CTPS2: variants seen among roughly 807,000 people sequenced by gnomAD.
The protein encoded by CTPS2 is CTP synthase II.
Under a neutral mutation model 46.8 loss-of-function variants are expected in CTPS2, and 19 were observed. The observed-to-expected ratio is 0.41, with a 90% CI of 0.28 to 0.60. The LOEUF is 0.60. Among genes scored for constraint, CTPS2 ranks in the 20% least tolerant of loss-of-function variants. The pLI, the probability that CTPS2 is intolerant of heterozygous loss-of-function variation, is 0.35. For synonymous variants in CTPS2, 151 were observed against 165.2 expected, an observed-to-expected ratio of 0.91 and a Z score of 0.66; for missense variants, 286 against 447.6, an observed-to-expected ratio of 0.64 and a Z score of 3.26.
chrX:16,601,300 C>T (rs1035492236), intron 17 of CTPS2, among the ~76,000 whole-genome samples: 2 of 111,108 alleles, frequency 1.8e-5, no homozygotes, highest in Non-Finnish European at 3.8e-5. Flanking sequence ...AATGCACCCT[C>T]TGTGAACAAT....
intron 13 of CTPS2, among the ~76,000 whole-genome samples, chrX:16,649,972 T>C (rs535445590): frequency 2.7e-5 from 3 of 111,911 alleles, no homozygotes; most frequent in East Asian, 2.8e-4. Context: ...CTCTGAACCA[T>C]GAAGCAACTG....
chrX:16,613,107 A>G (rs1165956499), intron 16 of CTPS2, among the ~76,000 whole-genome samples: 1 of 112,162 alleles, frequency 8.9e-6, no homozygotes, highest in Non-Finnish European at 1.9e-5. Flanking sequence ...GAGAAAAGGC[A>G]TTTGAAATGG....
intron 14 of CTPS2, among the ~76,000 whole-genome samples, chrX:16,632,665 CTGGCCGCCT>C (rs764916784): frequency 8.9e-6 from 1 of 111,788 alleles, no homozygotes; most frequent in East Asian, 2.8e-4. Context: ...CTCAAGTGAT[CTGGCCGCCT>C]TGGCCTCCCA....
chrX:16,674,357 T>C (rs1424963208), intron 10 of CTPS2, among the ~76,000 whole-genome samples: 1 of 107,856 alleles, frequency 9.3e-6, no homozygotes, highest in Non-Finnish European at 1.9e-5. Context: ...GAGACGGGGT[T>C]TCACCATGTT....
chrX:16,630,789 G>A (rs112117830), intron 14 of CTPS2, among the ~76,000 whole-genome samples: 1,454 of 112,086 alleles, frequency 0.013, 19 homozygotes, highest in African/African-American at 0.044. Context: ...TAGGTTGATG[G>A]CTGGACAAAA....
chrX:16,710,310 G>A (rs1047796191), intron 1 of CTPS2, among the ~76,000 whole-genome samples: 1 of 112,040 alleles, frequency 8.9e-6, no homozygotes, highest in Non-Finnish European at 1.9e-5. Context: ...CTGCTTCATG[G>A]ACTCCAAGCA....
intron 6 of CTPS2, 74 bp from the exon 7 acceptor site, chrX:16,691,694 G>C (rs1225172031): frequency 3.4e-6 from 3 of 893,896 alleles, no homozygotes; most frequent in Non-Finnish European, 4.9e-6. Context: ...CTTTTTACAA[G>C]AAACTTGGCC....
At position 16,609,651 on chromosome X, in the gene CTPS2, A is replaced by G; in HGVS notation, c.1581T>C (p.Pro527=). 1 of 1,211,242 alleles carries G rather than the reference A, an allele frequency of 8.3e-7. No individual in the cohort carries two copies. Among genetic ancestry groups the G allele is most frequent in the Non-Finnish European group, 1.1e-6 (1 of 895,181 alleles). ...GCTTCATCGGCCTAGAAGAAAACTC[A>G]GGATGGAACTGGACACCAACAAAAT... ...HPYFVGVQFH[P]EFSSRPMKPS... The change falls in exon 17 of 19, where the codon CCT becomes CCC. Residue 527 remains proline, a synonymous_variant. Coordinates refer to ENST00000359276, the MANE Select transcript of CTPS2 (RefSeq NM_175859.3).
intron 13 of CTPS2, among the ~76,000 whole-genome samples, chrX:16,662,191 T>C: frequency 9.0e-6 from 1 of 110,753 alleles, no homozygotes; most frequent in Non-Finnish European, 1.9e-5. Flanking sequence ...ATGTACCATC[T>C]AGAAGGCAGC....
rs541219364 is a variant in CTPS2, at chrX:16,696,782, T to C, written c.438+1454A>G. On this transcript the variant is annotated intron_variant, in intron 4 of 18. Coordinates refer to ENST00000359276, the MANE Select transcript of CTPS2 (RefSeq NM_175859.3). ...AACAAAATGGATCTTCTACATATCA[T>C]GATATCTGCTAACACTTACATTGAT... Among the ~76,000 whole-genome samples the C allele has an allele frequency of 1.8e-4, 20 of 111,709 alleles. No individual in the cohort carries two copies. The South Asian group carries it at 7.1e-3, about 40-fold the overall frequency.
At chrX:16,632,886 G>GA (rs1278388558) in intron 14 of CTPS2, among the ~76,000 whole-genome samples, 3 of 110,633 alleles carry the variant, frequency 2.7e-5, no homozygotes, top group Admixed American at 1.9e-4. Context: ...TTCCTCAGCT[G>GA]AAAAATAAGG....
At chrX:16,641,402 A>G (rs1033601084) in intron 13 of CTPS2, among the ~76,000 whole-genome samples, 1 of 112,503 alleles carries the variant, frequency 8.9e-6, no homozygotes, top group East Asian at 2.8e-4. Context: ...CAAGGTTGGT[A>G]TTCAAGAAAT....
chrX:16,703,931 C>CT (rs59145743), intron 1 of CTPS2, among the ~76,000 whole-genome samples: 4,598 of 92,444 alleles, frequency 0.05, 230 homozygotes, highest in African/African-American at 0.15. Flanking sequence ...TGGGCAAGTT[C>CT]TTTTTTTTTT....
At chrX:16,607,676 C>T (rs1930048393) in intron 17 of CTPS2, among the ~76,000 whole-genome samples, 1 of 113,001 alleles carries the variant, frequency 8.8e-6, no homozygotes, top group African/African-American at 3.2e-5. Context: ...AACAAGCACA[C>T]ACGTGCACAC....
At chrX:16,687,702 TC>T (rs770420236) in intron 8 of CTPS2, among the ~76,000 whole-genome samples, 1 of 110,668 alleles carries the variant, frequency 9.0e-6, no homozygotes, top group African/African-American at 3.3e-5. Context: ...TGCTCTTCCT[TC>T]CTGATTCCAC....
At chrX:16,624,912 A>G (rs1931044250) in intron 14 of CTPS2, among the ~76,000 whole-genome samples, 1 of 112,540 alleles carries the variant, frequency 8.9e-6, no homozygotes, top group African/African-American at 3.2e-5. Context: ...GGGTTATCAG[A>G]AACAAAAACC....
intron 13 of CTPS2, among the ~76,000 whole-genome samples, chrX:16,665,394 A>C (rs1300298418): frequency 8.9e-6 from 1 of 112,854 alleles, no homozygotes; most frequent in Non-Finnish European, 1.9e-5. Flanking sequence ...TCAATGGATA[A>C]ATAAAATGTT....
At chrX:16,675,683 A>G (rs759338073) in intron 10 of CTPS2, among the ~76,000 whole-genome samples, 1 of 111,904 alleles carries the variant, frequency 8.9e-6, no homozygotes, top group Non-Finnish European at 1.9e-5. Flanking sequence ...ACCCACAGAC[A>G]ATTGTATTGT....
chrX:16,596,431 G>A (rs1397407463), intron 17 of CTPS2, among the ~76,000 whole-genome samples: 1 of 105,808 alleles, frequency 9.5e-6, no homozygotes, highest in African/African-American at 3.5e-5. Context: ...CTATGAGTGA[G>A]AATATGTGGT....
Sources: allele counts gnomAD v4.1 joint callset (sites outside exome capture counted in the v4.1 genomes callset), GRCh38; gene constraint gnomAD v4.1.1; transcripts MANE v1.5; gene names NCBI Gene and HGNC (gene_info 2026-07-23, HGNC 2026-07-21).